Variants in SH2D4A observed in about 807,000 individuals in gnomAD.
The protein encoded by SH2D4A is SH2 domain-containing protein 4A.
SH2D4A carries 70 observed loss-of-function variants against 64.7 expected under a neutral mutation model. That is an observed-to-expected ratio of 1.08 (90% CI 0.89 to 1.32). The LOEUF (loss-of-function observed/expected upper bound fraction) is 1.32. SH2D4A is among the 40% of genes most tolerant of loss of function. The pLI is 0.00. For missense variants in SH2D4A, 706 were observed against 540.1 expected, an observed-to-expected ratio of 1.31 and a Z score of -3.04; for synonymous variants, 268 against 200.7, an observed-to-expected ratio of 1.34 and a Z score of -2.83.
chr8:19,377,999 T>G, intron 8 of SH2D4A, among the ~76,000 whole-genome samples: 1 of 152,190 alleles, frequency 6.6e-6, no homozygotes, highest in East Asian at 1.9e-4. Flanking sequence ...CATTTTCCAT[T>G]CCTCACAATG....
At chr8:19,329,320 C>T (rs182577705) in intron 2 of SH2D4A, among the ~76,000 whole-genome samples, 8 of 152,276 alleles carry the variant, frequency 5.3e-5, no homozygotes, top group Admixed American at 3.9e-4. Flanking sequence ...TGCCCTGGCC[C>T]TCCAGGGACT....
At position 19,368,974 on chromosome 8, in the gene SH2D4A, T is replaced by C. The variant is rs147381027; in HGVS notation, c.918-4556T>C. 1.6e-3 allele frequency among the ~76,000 whole-genome samples: 238 copies of C among 152,318 alleles called. 1 individual carries two copies. The highest frequency in any genetic ancestry group is 3.4e-3 in the Middle Eastern group (1 of 294). ...GCATGTAAACTGTGATTTTGTCATA[T>C]ATGACCTGTATTGGGTTGAGGTACA... On this transcript the variant is annotated intron_variant, in intron 7 of 9. Coordinates refer to ENST00000265807, the MANE Select transcript of SH2D4A (RefSeq NM_022071.4).
chr8:19,357,140 G>C, intron 4 of SH2D4A, 63 bp from the exon 5 acceptor site: 2 of 1,312,210 alleles, frequency 1.5e-6, no homozygotes, highest in Non-Finnish European at 2.2e-6. Flanking sequence ...AACATTGACA[G>C]ATTATCTTAT....
At chr8:19,353,674 GTT>G (rs55989081) in intron 4 of SH2D4A, among the ~76,000 whole-genome samples, 9 of 105,172 alleles carry the variant, frequency 8.6e-5, no homozygotes, top group African/African-American at 1.9e-4. Flanking sequence ...GCCTCTAGCT[GTT>G]TTTTTTTTTT....
chr8:19,344,195 A>G (rs1452030213), intron 4 of SH2D4A, among the ~76,000 whole-genome samples: 2 of 152,172 alleles, frequency 1.3e-5, no homozygotes, highest in Non-Finnish European at 2.9e-5. Flanking sequence ...AGTCTGACAT[A>G]GCAGGACTAG....
chr8:19,390,002 A>C (rs2053462665), intron 8 of SH2D4A, among the ~76,000 whole-genome samples: 1 of 152,200 alleles, frequency 6.6e-6, no homozygotes, highest in Non-Finnish European at 1.5e-5. Context: ...CATAGCCTTT[A>C]GGGGCTGGGA....
intron 4 of SH2D4A, among the ~76,000 whole-genome samples, chr8:19,346,978 C>T (rs2052623477): frequency 6.6e-6 from 1 of 152,196 alleles, no homozygotes; most frequent in African/African-American, 2.4e-5. Flanking sequence ...ATTTTCCAAG[C>T]TCAGGAGGAG....
At position 19,364,131 on chromosome 8, in the gene SH2D4A, G is replaced by A. The variant is rs760960542; in HGVS notation, c.766G>A (p.Asp256Asn). ...CTCCTTGGCTAAACAAGCACGAGAA[G>A]ACTACAAGAGGTTATCCCTCGGGGC... ...RRSLAKQARE[D>N]YKRLSLGAQK... is the part of the protein sequence containing the mutation. The change falls in exon 7 of 10, where the codon GAC (aspartate) becomes AAC (asparagine). Residue 256 changes from aspartate to asparagine, a missense_variant. Asp to Asn is a conservative substitution (Grantham distance 23). Transcript: ENST00000265807. 1 of 1,614,118 alleles carries A rather than the reference G, an allele frequency of 6.2e-7. No homozygotes were observed. Among genetic ancestry groups the A allele is most frequent in the Non-Finnish European group, 8.5e-7 (1 of 1,179,994 alleles).
At chr8:19,376,467 C>G (rs568769513) in intron 8 of SH2D4A, among the ~76,000 whole-genome samples, 7 of 152,096 alleles carry the variant, frequency 4.6e-5, no homozygotes, top group African/African-American at 1.7e-4. Flanking sequence ...ACTAAAAATA[C>G]AAAAACTAGC....
intron 9 of SH2D4A, 137 bp from the exon 10 acceptor site, chr8:19,394,413 A>G: frequency 1.8e-6 from 1 of 561,462 alleles, no homozygotes; most frequent in Non-Finnish European, 3.1e-6. Context: ...GATAAGAAAA[A>G]TGCCTTTTAA....
intron 2 of SH2D4A, among the ~76,000 whole-genome samples, chr8:19,322,830 A>T (rs1355952978): frequency 1.3e-5 from 2 of 151,740 alleles, no homozygotes; most frequent in African/African-American, 4.8e-5. Flanking sequence ...ACCTGCTACC[A>T]TGCCCAGCTA....
chr8:19,333,185 C>G, intron 3 of SH2D4A, 71 bp downstream of exon 3: 1 of 1,498,420 alleles, frequency 6.7e-7, no homozygotes. Context: ...AAACACACCT[C>G]TTGCTCACAG....
chr8:19,347,186 G>A (rs1269708404), intron 4 of SH2D4A, among the ~76,000 whole-genome samples: 2 of 152,220 alleles, frequency 1.3e-5, no homozygotes, highest in African/African-American at 2.4e-5. Context: ...GAGTTACTGG[G>A]TGCCTACACT....
chr8:19,354,115 CGAATAACTGG>C (rs1223917003), intron 4 of SH2D4A, among the ~76,000 whole-genome samples: 5 of 151,774 alleles, frequency 3.3e-5, no homozygotes, highest in Admixed American at 6.6e-5. Context: ...CTCAGCCTCC[CGAATAACTGG>C]GATTAACAGG....
At position 19,395,462 on chromosome 8, in the gene SH2D4A, C is replaced by G. The variant is rs147166440; in HGVS notation, c.*820C>G. ...CAAAATATATGGTGAAGTCTTAACC[C>G]CCATCCCCGTGAATGGGACCTTGTT... On this transcript the variant is annotated 3_prime_UTR_variant, in exon 10 of 10. Transcript: ENST00000265807. The G allele has an allele frequency of 6.6e-6, 1 of 152,190 alleles. No individual in the cohort carries two copies. Among genetic ancestry groups the G allele is most frequent in the African/African-American group, 2.4e-5 (1 of 41,420 alleles). The allele number at this position is 152,190 out of a possible 1,614,324, so 9.4% of individuals were successfully genotyped here. A position where few individuals can be genotyped will look rare whatever the true frequency, so the allele number is the denominator to read the frequency against.
At chr8:19,375,264 G>A (rs552960519) in intron 8 of SH2D4A, 2 of 152,190 alleles carry the variant, frequency 1.3e-5, no homozygotes, top group Admixed American at 1.3e-4. Context: ...TTTATTTTCA[G>A]TTTCAAGAAG....
intron 5 of SH2D4A, 120 bp downstream of exon 5, chr8:19,357,403 G>C: frequency 1.3e-6 from 1 of 782,668 alleles, no homozygotes; most frequent in Non-Finnish European, 2.1e-6. Flanking sequence ...TGGGAAATCT[G>C]TCCTAAAAGC....
intron 2 of SH2D4A, among the ~76,000 whole-genome samples, chr8:19,329,175 A>G (rs996636436): frequency 2.0e-5 from 3 of 152,148 alleles, no homozygotes; most frequent in African/African-American, 7.2e-5. Context: ...CTCTCTGTCT[A>G]AATTCCATAT....
chr8:19,331,126 C>T (rs2052359345), intron 2 of SH2D4A, among the ~76,000 whole-genome samples: 1 of 152,186 alleles, frequency 6.6e-6, no homozygotes, highest in South Asian at 2.1e-4. Context: ...GGAGTGTCCA[C>T]TGTACCAAGA....
Sources: gnomAD v4.1 joint callset for allele counts (sites outside exome capture counted in the v4.1 genomes callset) on GRCh38, gnomAD v4.1.1 for gene constraint, MANE v1.5 for transcripts, NCBI Gene and HGNC (gene_info 2026-07-23, HGNC 2026-07-21) for gene names.